Variants in TMEM243 observed in about 807,000 individuals in gnomAD.
TMEM243 encodes the protein transmembrane protein 243, also known as MDR1 and mitochondrial taxol resistance associated.
A neutral mutation model predicts 15.0 loss-of-function variants in TMEM243; 20 were observed. The ratio of observed to expected loss-of-function variants is 1.33; its 90% CI spans 0.94 to 1.93. The LOEUF (loss-of-function observed/expected upper bound fraction) is 1.93. TMEM243 is among the 30% of genes most tolerant of loss of function. The pLI is 0.00. For missense variants in TMEM243, 156 were observed against 142.1 expected (o/e 1.10, Z -0.50); for synonymous variants, 72 against 52.7 (o/e 1.37, Z -1.59).
At chr7:87,209,538 A>C (rs11765564) in intron 1 of TMEM243, among the ~76,000 whole-genome samples, 15,841 of 144,892 alleles carry the variant, frequency 0.11, 969 homozygotes, top group Middle Eastern at 0.16. Flanking sequence ...GTGAGAGAGA[A>C]AGTGAGAGAC....
At chr7:87,197,713 T>C in intron 3 of TMEM243, 1 of 625,702 alleles carries the variant, frequency 1.6e-6, no homozygotes. Context: ...TTTTTTTTTT[T>C]TTTAAGCTAT....
intron 1 of TMEM243, among the ~76,000 whole-genome samples, chr7:87,203,559 G>A (rs1801980290): frequency 6.6e-6 from 1 of 151,166 alleles, no homozygotes; most frequent in Admixed American, 6.6e-5. Flanking sequence ...AGAGTGCAGT[G>A]AGCAAGGATC....
intron 1 of TMEM243, among the ~76,000 whole-genome samples, chr7:87,200,197 A>G (rs1232148115): frequency 6.6e-6 from 1 of 152,072 alleles, no homozygotes; most frequent in Admixed American, 6.6e-5. Context: ...ACAAATCACA[A>G]CTCTCCAGAC....
At chr7:87,211,335 T>C (rs1802730481) in intron 1 of TMEM243, among the ~76,000 whole-genome samples, 2 of 152,158 alleles carry the variant, frequency 1.3e-5, no homozygotes, top group African/African-American at 2.4e-5. Flanking sequence ...GTGATTGTCT[T>C]CTCCTGGGAT....
At chr7:87,211,393 G>A (rs958168382) in intron 1 of TMEM243, among the ~76,000 whole-genome samples, 3 of 152,080 alleles carry the variant, frequency 2.0e-5, no homozygotes, top group African/African-American at 7.2e-5. Context: ...ATGCCCAAAG[G>A]GTGCTACTTC....
Position 87,219,656 on chromosome 7 carries a change from G to C in TMEM243, c.-153C>G, listed in dbSNP as rs1803362693. ...AGCGCTGGCGCCAGGGATGGGTGGGGGCTCACACGCGGGGAACGCGACTGC... is the reference window on the plus strand; with the variant it reads ...AGCGCTGGCGCCAGGGATGGGTGGGCGCTCACACGCGGGGAACGCGACTGC... On this transcript the variant is annotated 5_prime_UTR_variant, in exon 1 of 4. Coordinates refer to ENST00000257637, the MANE Select transcript of TMEM243 (RefSeq NM_024315.4). 3 of 659,500 alleles carry C rather than the reference G, an allele frequency of 4.5e-6. No individual in the cohort carries two copies. The highest frequency in any genetic ancestry group is 8.0e-6 in the Non-Finnish European group (3 of 376,816). The allele number at this position is 659,500 out of a possible 1,614,324, so 40.9% of individuals were successfully genotyped here.
At chr7:87,212,933 G>A (rs1227283162) in intron 1 of TMEM243, among the ~76,000 whole-genome samples, 4 of 152,184 alleles carry the variant, frequency 2.6e-5, no homozygotes, top group Non-Finnish European at 5.9e-5. Context: ...CAAGGAGTAA[G>A]TGCCAGGGCA....
intron 1 of TMEM243, among the ~76,000 whole-genome samples, chr7:87,204,721 C>T (rs1277363433): frequency 6.6e-6 from 1 of 152,232 alleles, no homozygotes; most frequent in Non-Finnish European, 1.5e-5. Context: ...CTCCCAGCTG[C>T]TTTTACAGGC....
Position 87,209,665 on chromosome 7 carries a change from A to AGC in TMEM243, c.78+9760_78+9761insGC, listed in dbSNP as rs1296893265. Among the ~76,000 whole-genome samples, 133 of 25,678 alleles carry AGC rather than the reference A, an allele frequency of 5.2e-3. 1 individual carries two copies. The highest frequency in any genetic ancestry group is 7.5e-3 in the Admixed American group (17 of 2,268). 16.8% of individuals were successfully genotyped at this position (25,678 alleles called of 152,430 possible). ...GAGAGACAGTGAGAGACAGAGCGAG[A>AGC]GAGAGCGAGAGCGAGACACAGCGAG... On this transcript the variant is annotated intron_variant, in intron 1 of 3. Transcript: ENST00000257637.
chr7:87,219,291 G>C (rs774335899), intron 1 of TMEM243, 135 bp downstream of exon 1: 230 of 784,256 alleles, frequency 2.9e-4, no homozygotes, highest in African/African-American at 1.3e-3. Context: ...TCTTGAGAGG[G>C]AAGTGGGATT....
intron 1 of TMEM243, among the ~76,000 whole-genome samples, chr7:87,209,353 GGGGGAAGAAGA>G (rs1181140319): frequency 6.6e-6 from 1 of 151,914 alleles, no homozygotes; most frequent in Non-Finnish European, 1.5e-5. Context: ...AGGTTGAGAG[GGGGGAAGAAGA>G]GGGGAAGAGA....
intron 1 of TMEM243, chr7:87,218,760 C>CA (rs1205704983): frequency 6.6e-6 from 1 of 152,248 alleles, no homozygotes; most frequent in Non-Finnish European, 1.5e-5. Flanking sequence ...AGATCTTGCC[C>CA]AAACTACTCA....
intron 1 of TMEM243, among the ~76,000 whole-genome samples, chr7:87,208,428 T>C (rs1021274201): frequency 6.6e-6 from 1 of 152,222 alleles, no homozygotes. Context: ...ATCCAGGTCA[T>C]GCTGATGCAA....
chr7:87,211,654 A>G (rs549811702), intron 1 of TMEM243, among the ~76,000 whole-genome samples: 25 of 152,306 alleles, frequency 1.6e-4, no homozygotes, highest in African/African-American at 6.0e-4. Flanking sequence ...AATGTGGGAG[A>G]AGGTTTATTT....
intron 1 of TMEM243, among the ~76,000 whole-genome samples, chr7:87,207,087 G>T (rs1432208480): frequency 6.6e-6 from 1 of 152,248 alleles, no homozygotes; most frequent in African/African-American, 2.4e-5. Flanking sequence ...GCTAGGCTCT[G>T]TTGTTCCCAA....
At chr7:87,202,329 C>T (rs1187659082) in intron 1 of TMEM243, among the ~76,000 whole-genome samples, 1 of 152,006 alleles carries the variant, frequency 6.6e-6, no homozygotes, top group East Asian at 1.9e-4. Context: ...GAAAGGAATT[C>T]CACAAAGACC....
chr7:87,198,422 AAC>A (rs796411387), intron 2 of TMEM243: 30 of 185,650 alleles, frequency 1.6e-4, no homozygotes, highest in African/African-American at 2.4e-5. Context: ...AACATTATGA[AAC>A]ACACTGAAAG....
At chr7:87,214,975 G>GC (rs1803001787) in intron 1 of TMEM243, among the ~76,000 whole-genome samples, 1 of 151,802 alleles carries the variant, frequency 6.6e-6, no homozygotes, top group Non-Finnish European at 1.5e-5. Flanking sequence ...CCCACTTGTA[G>GC]CATCAAGTCA....
chr7:87,211,181 A>C (rs1196509168), intron 1 of TMEM243, among the ~76,000 whole-genome samples: 1 of 152,224 alleles, frequency 6.6e-6, no homozygotes, highest in Non-Finnish European at 1.5e-5. Flanking sequence ...TTATTGGGCC[A>C]CCAGAAATAG....
Sources: gnomAD v4.1 joint callset for allele counts (sites outside exome capture counted in the v4.1 genomes callset) on GRCh38, gnomAD v4.1.1 for gene constraint, MANE v1.5 for transcripts, NCBI Gene and HGNC (gene_info 2026-07-23, HGNC 2026-07-21) for gene names.